The following GPHB5 variants were observed in gnomAD, a reference collection of about 807,000 sequenced individuals.
GPHB5 encodes the protein glycoprotein hormone subunit beta 5.
A neutral mutation model predicts 10.1 loss-of-function variants in GPHB5; 7 were observed. That is an observed-to-expected ratio of 0.69 (90% CI 0.39 to 1.30). GPHB5 has a LOEUF of 1.30. Ranked by LOEUF, GPHB5 falls within the 50% of genes most tolerant of loss-of-function variation. GPHB5 has a pLI of 0.01. For synonymous variants in GPHB5, 68 were observed against 70.1 expected (o/e 0.97, Z 0.15); for missense variants, 161 against 169.8 (o/e 0.95, Z 0.29).
chr14:63,313,059 C>G lies in GPHB5; in HGVS notation c.262G>C (p.Glu88Gln). The G allele has an allele frequency of 1.2e-6, 2 of 1,606,954 alleles. No individual in the cohort carries two copies. Among genetic ancestry groups the G allele is most frequent in the Non-Finnish European group, 1.7e-6 (2 of 1,176,752 alleles). Residue 88 changes from glutamate to glutamine, a missense_variant, in exon 3 of 3, where the codon GAG becomes CAG. Physicochemically the swap from Glu to Gln is conservative, Grantham distance 29 (BLOSUM62 2). Coordinates refer to ENST00000621500, the MANE Select transcript of GPHB5 (RefSeq NM_145171.4). Reference sequence around the variant, plus strand: ...AGCTTGACAGTCACCTGTTTGGTCTCGTTGTAGGTACAGACTCGATGATGG... The same window carrying G: ...AGCTTGACAGTCACCTGTTTGGTCTGGTTGTAGGTACAGACTCGATGATGG... ...EAHHRVCTYN[E>Q]TKQVTVKLPN...
In GPHB5 at chr14:63,312,933, T is replaced by C. The variant is rs1380832691; in HGVS notation, c.388A>G (p.Ile130Val). The change falls in exon 3 of 3, where the codon ATC (isoleucine) becomes GTC (valine). Residue 130 changes from isoleucine (I) to valine (V), a missense_variant. Physicochemically the swap from Ile to Val is conservative, Grantham distance 29 (BLOSUM62 3). Transcript: ENST00000621500. Reference sequence around the variant, plus strand: ...GCAGAGAGCAGCTAGCGGCCTCAGATGGTCTCACACTCCGTGGTGGCAGTG... The same window carrying C: ...GCAGAGAGCAGCTAGCGGCCTCAGACGGTCTCACACTCCGTGGTGGCAGTG... ...CSTATTECET[I>V] is the part of the protein sequence containing the mutation. 2 of 1,552,064 alleles carry C rather than the reference T, an allele frequency of 1.3e-6. No homozygotes were observed. Among genetic ancestry groups the C allele is most frequent in the Admixed American group, 2.0e-5 (1 of 50,994 alleles).
rs377560245 is a variant in GPHB5, at chr14:63,317,601, T to G, written c.204+45A>C. 241 of 1,575,756 alleles carry G rather than the reference T, an allele frequency of 1.5e-4. 1 individual carries two copies. In the African/African-American group the frequency reaches 2.5e-3, roughly 16 times the overall value. On this transcript the variant is annotated intron_variant, in intron 2 of 2. Transcript: ENST00000621500. ...GAACTCTTAAGAATCAGACCCAAGC[T>G]GCTGGCCTAGAAGACACTGTCATCT... is the stretch of plus-strand genomic sequence containing the variant.
At chr14:63,318,798 G>A (rs1423962386) in intron 1 of GPHB5, 26 bp downstream of exon 1, 1 of 152,202 alleles carries the variant, frequency 6.6e-6, no homozygotes, top group African/African-American at 2.4e-5. Context: ...TCTGGAATGA[G>A]GTTACAAATA....
rs373671088 is a variant in GPHB5, at chr14:63,317,781, G to C, written c.69C>G (p.Leu23=). 9 of 1,613,918 alleles carry C rather than the reference G, an allele frequency of 5.6e-6. No homozygotes were observed. Among genetic ancestry groups the C allele is most frequent in the African/African-American group, 1.3e-5 (1 of 74,928 alleles). ...LLLLAGYGCV[L]GASSGNLRTF... ...TGCGCAGGTTCCCACTGGAGGCACC[G>C]AGGACACAGCCATAGCCAGCCAGAA... is the stretch of plus-strand genomic sequence containing the variant. Residue 23 remains leucine (L), a synonymous_variant, in exon 2 of 3, where the codon CTC becomes CTG. Transcript: ENST00000621500.
rs1882693257 is a variant in GPHB5, at chr14:63,312,900, G to A, written c.*28C>T. The A allele has an allele frequency of 6.5e-7, 1 of 1,541,448 alleles. No homozygotes were observed. ...ATAACTGCATGTGCTGCTCACACAG[G>A]TGGGTCTGCAGAGAGCAGCTAGCGG... is the stretch of plus-strand genomic sequence containing the variant. On this transcript the variant is annotated 3_prime_UTR_variant, in exon 3 of 3. Coordinates refer to ENST00000621500, the MANE Select transcript of GPHB5 (RefSeq NM_145171.4).
chr14:63,313,262 C>T (rs1446779257), intron 2 of GPHB5, 146 bp from the exon 3 acceptor site: 2 of 792,628 alleles, frequency 2.5e-6, no homozygotes, highest in Non-Finnish European at 4.0e-6. Flanking sequence ...AAACAAACTC[C>T]TGAAAGCAAG....
At chr14:63,313,239 G>A (rs558934783) in intron 2 of GPHB5, 123 bp from the exon 3 acceptor site, 28 of 939,984 alleles carry the variant, frequency 3.0e-5, no homozygotes, top group Admixed American at 1.1e-4. Context: ...TTGCTCTGTC[G>A]TCTCCCAGTA....
chr14:63,314,887 CTTTTTTTTTTCTTTTTTCTTTTTT>C (rs1882743746), intron 2 of GPHB5, among the ~76,000 whole-genome samples: 1 of 143,500 alleles, frequency 7.0e-6, no homozygotes, highest in Non-Finnish European at 1.5e-5. Context: ...GCAGCCTTAC[CTTTTTTTTTTCTTTTTTCTTTTTT>C]TTTTTTTTTT....
chr14:63,317,895 T>C, intron 1 of GPHB5, 45 bp from the exon 2 acceptor site: 2 of 1,562,938 alleles, frequency 1.3e-6, no homozygotes, highest in Non-Finnish European at 1.8e-6. Context: ...CAGATCTGGC[T>C]GCCTTCAATG....
At chr14:63,314,457 G>A (rs1293952859) in intron 2 of GPHB5, among the ~76,000 whole-genome samples, 1 of 147,724 alleles carries the variant, frequency 6.8e-6, no homozygotes, top group African/African-American at 2.5e-5. Flanking sequence ...GAGTCTTGCT[G>A]TCTCCCAGGC....
At position 63,317,651 on chromosome 14, in the gene GPHB5, A is replaced by C. The variant is rs1882792534; in HGVS notation, c.199T>G (p.Trp67Gly). ...TGCACAACTTAGCAACTCACCTCCC[A>C]GGTCTCACAGCGACCCCAGCAGGCA... The part of the protein sequence containing the change: ...TDACWGRCET[W>G]EKPILEPPYI... The change falls in exon 2 of 3, where the codon TGG becomes GGG. Residue 67 changes from tryptophan to glycine, a missense_variant. By Grantham distance (184) the Trp-to-Gly change is radical. Transcript: ENST00000621500. The C allele has an allele frequency of 6.2e-7, 1 of 1,613,834 alleles. No homozygotes were observed. Among genetic ancestry groups the C allele is most frequent in the South Asian group, 1.1e-5 (1 of 91,086 alleles).
chr14:63,313,655 C>T (rs55948827), intron 2 of GPHB5, among the ~76,000 whole-genome samples: 20,490 of 152,122 alleles, frequency 0.13, 1,750 homozygotes, highest in East Asian at 0.27. Context: ...CTCCTTATTG[C>T]TCCTCTGACC....
At chr14:63,316,021 G>C (rs12050215) in intron 2 of GPHB5, among the ~76,000 whole-genome samples, 2 of 152,150 alleles carry the variant, frequency 1.3e-5, no homozygotes, top group Non-Finnish European at 2.9e-5. Context: ...CACTAGATGC[G>C]AACAGGGAGA....
intron 2 of GPHB5, among the ~76,000 whole-genome samples, chr14:63,313,632 G>T (rs1431991552): frequency 6.6e-6 from 1 of 152,078 alleles, no homozygotes; most frequent in East Asian, 1.9e-4. Flanking sequence ...TTCCTCACTA[G>T]GCTCACGGCG....
At chr14:63,316,021 G>A (rs12050215) in intron 2 of GPHB5, among the ~76,000 whole-genome samples, 8,996 of 152,260 alleles carry the variant, frequency 0.059, 402 homozygotes, top group Non-Finnish European at 0.076. Flanking sequence ...CACTAGATGC[G>A]AACAGGGAGA....
intron 2 of GPHB5, among the ~76,000 whole-genome samples, chr14:63,316,926 A>G (rs551522763): frequency 6.6e-6 from 1 of 152,326 alleles, no homozygotes; most frequent in South Asian, 2.1e-4. Context: ...ACGTAATGTG[A>G]TCTGCTGGGG....
At chr14:63,313,918 T>C (rs1228497186) in intron 2 of GPHB5, among the ~76,000 whole-genome samples, 1 of 152,158 alleles carries the variant, frequency 6.6e-6, no homozygotes, top group Non-Finnish European at 1.5e-5. Context: ...AGTCTACCTT[T>C]CATTCGTGTG....
chr14:63,317,861 G>T lies in GPHB5; in HGVS notation c.-1-11C>A. On this transcript the variant is annotated splice_polypyrimidine_tract_variant and intron_variant, in intron 1 of 2. Transcript: ENST00000621500. Reference sequence around the variant, plus strand: ...AATGCCAGCTTCATGCTGCTCTTCCGGAGAGGGAAAGGACAGAGTTTAACA... The same window carrying T: ...AATGCCAGCTTCATGCTGCTCTTCCTGAGAGGGAAAGGACAGAGTTTAACA... 1.2e-6 allele frequency: 2 copies of T among 1,613,174 alleles called. No individual in the cohort carries two copies. Among genetic ancestry groups the T allele is most frequent in the Non-Finnish European group, 1.7e-6 (2 of 1,179,328 alleles).
intron 2 of GPHB5, among the ~76,000 whole-genome samples, chr14:63,314,495 A>G (rs1792863890): frequency 6.7e-6 from 1 of 149,342 alleles, no homozygotes; most frequent in South Asian, 2.1e-4. Context: ...ATCTCAGCTC[A>G]TTGCAATCTC....
Sources: allele counts gnomAD v4.1 joint callset (sites outside exome capture counted in the v4.1 genomes callset), GRCh38; gene constraint gnomAD v4.1.1; transcripts MANE v1.5; gene names NCBI Gene and HGNC (gene_info 2026-07-23, HGNC 2026-07-21).